PCDH15: variants seen among roughly 807,000 people sequenced by gnomAD.
PCDH15 encodes protocadherin-15.
A neutral mutation model predicts 178.5 loss-of-function variants in PCDH15; 129 were observed. That is an observed-to-expected ratio of 0.72 (90% CI 0.63 to 0.84). The LOEUF is 0.84. Among genes scored for constraint, PCDH15 ranks in the 40% least tolerant of loss-of-function variants. The pLI, the probability that PCDH15 is intolerant of heterozygous loss-of-function variation, is 0.00. For missense variants in PCDH15, 2,230 were observed against 2,099.9 expected (o/e 1.06, Z -1.21); for synonymous variants, 800 against 732.0 (o/e 1.09, Z -1.50).
intron 15 of PCDH15, among the ~76,000 whole-genome samples, chr10:54,129,150 G>A (rs1000407471): frequency 6.6e-6 from 1 of 152,042 alleles, no homozygotes; most frequent in Non-Finnish European, 1.5e-5. Flanking sequence ...GTTAGGGTCA[G>A]GTTAATGACC....
chr10:55,058,125 TATTC>T (rs1165165145), intron 2 of PCDH15, among the ~76,000 whole-genome samples: 1 of 152,220 alleles, frequency 6.6e-6, no homozygotes, highest in African/African-American at 2.4e-5. Context: ...AAAAATTACA[TATTC>T]ATTCAAATGC....
intron 7 of PCDH15, among the ~76,000 whole-genome samples, chr10:54,319,062 C>T (rs1255894520): frequency 2.0e-5 from 3 of 152,076 alleles, no homozygotes; most frequent in African/African-American, 7.2e-5. Context: ...AAGTCATTTC[C>T]ATGAAGAACA....
At chr10:54,477,753 G>A (rs187824401) in intron 3 of PCDH15, among the ~76,000 whole-genome samples, 54 of 152,102 alleles carry the variant, frequency 3.6e-4, no homozygotes, top group Admixed American at 7.9e-4. Flanking sequence ...GTGCCAACAC[G>A]TTCAACTAAT....
Position 54,717,431 on chromosome 10 carries a change from C to T in PCDH15, c.-28-53141G>A, listed in dbSNP as rs1203397116. ...ATTTACAAGAAAAAAACAAACAACC[C>T]CATCAAAAAGTGGGCAAAGGACATG... On this transcript the variant is annotated intron_variant, in intron 1 of 37. Coordinates refer to ENST00000644397, the MANE Select transcript of PCDH15 (RefSeq NM_001384140.1). Among the ~76,000 whole-genome samples the T allele has an allele frequency of 8.4e-5, 12 of 142,630 alleles. 1 individual carries two copies. Among genetic ancestry groups the T allele is most frequent in the Admixed American group, 4.3e-4 (6 of 13,958 alleles). The allele number at this position is 142,630 out of a possible 152,430, so 93.6% of individuals were successfully genotyped here. A position where few individuals can be genotyped will look rare whatever the true frequency, so the allele number is the denominator to read the frequency against.
chr10:54,571,454 A>G (rs1246464151), intron 2 of PCDH15, among the ~76,000 whole-genome samples: 1 of 152,072 alleles, frequency 6.6e-6, no homozygotes, highest in African/African-American at 2.4e-5. Flanking sequence ...TCTCATCATT[A>G]GAAGCAATGC....
intron 3 of PCDH15, among the ~76,000 whole-genome samples, chr10:54,497,629 A>G (rs2080254059): frequency 6.6e-6 from 1 of 152,216 alleles, no homozygotes; most frequent in African/African-American, 2.4e-5. Context: ...AAAGTTCACT[A>G]CAGCAATTTC....
In PCDH15 at chr10:55,583,718, G is replaced by A. The variant is rs187369634; in HGVS notation, c.-156+43907C>T. On this transcript the variant is annotated intron_variant, in intron 2 of 5. Coordinates refer to the PCDH15 transcript ENST00000613346. ...CAAAGTGCTGGGATTACAGGCGTAA[G>A]CCACTGTGCCTGGCCAACAGTTATG... is the stretch of plus-strand genomic sequence containing the variant. Among the ~76,000 whole-genome samples the A allele has an allele frequency of 1.5e-3, 234 of 152,138 alleles. 3 individuals carry two copies. Among genetic ancestry groups the A allele is most frequent in the African/African-American group, 5.4e-3 (225 of 41,522 alleles).
At chr10:54,204,604 T>TA (rs61083505) in intron 10 of PCDH15, among the ~76,000 whole-genome samples, 102,890 of 151,678 alleles carry the variant, frequency 0.68, 35,913 homozygotes, top group African/African-American at 0.74. Flanking sequence ...AAAATGTTAC[T>TA]AAAAAAATAA....
At chr10:54,340,193 T>C (rs1342293) in intron 6 of PCDH15, among the ~76,000 whole-genome samples, 38,868 of 152,100 alleles carry the variant, frequency 0.26, 5,484 homozygotes, top group African/African-American at 0.38. Flanking sequence ...AACAAACCCT[T>C]AAACTTTCAT....
At chr10:54,375,422 T>TC (rs1948248008) in intron 4 of PCDH15, among the ~76,000 whole-genome samples, 1 of 152,072 alleles carries the variant, frequency 6.6e-6, no homozygotes, top group South Asian at 2.1e-4. Context: ...CAAGTAGTTT[T>TC]CCTCTCTCCC....
chr10:54,984,190 C>T (rs1181071958), intron 2 of PCDH15, among the ~76,000 whole-genome samples: 2 of 152,138 alleles, frequency 1.3e-5, no homozygotes, highest in African/African-American at 4.8e-5. Flanking sequence ...AACAAGGTCC[C>T]TCTGATCTTC....
At chr10:55,409,818 A>C (rs756777274) in intron 2 of PCDH15, among the ~76,000 whole-genome samples, 1 of 152,146 alleles carries the variant, frequency 6.6e-6, no homozygotes, top group Non-Finnish European at 1.5e-5. Flanking sequence ...TGAGAAAGCA[A>C]AGAATGAACA....
chr10:53,885,008 C>A (rs969372728), intron 26 of PCDH15, among the ~76,000 whole-genome samples: 5 of 152,050 alleles, frequency 3.3e-5, no homozygotes, highest in Non-Finnish European at 7.4e-5. Context: ...AGAGCTGCTT[C>A]GTTTTTCAAT....
chr10:55,254,863 T>C (rs1177040432), intron 1 of PCDH15, among the ~76,000 whole-genome samples: 1 of 152,168 alleles, frequency 6.6e-6, no homozygotes, highest in Non-Finnish European at 1.5e-5. Flanking sequence ...AGTTTCAAAT[T>C]CAAGTTGTTT....
intron 3 of PCDH15, among the ~76,000 whole-genome samples, chr10:54,867,550 G>C (rs1953962837): frequency 6.6e-6 from 1 of 151,956 alleles, no homozygotes; most frequent in Non-Finnish European, 1.5e-5. Flanking sequence ...CATAGGACGT[G>C]GCAAGGGGAG....
At chr10:54,524,188 T>C (rs1481389404) in intron 3 of PCDH15, among the ~76,000 whole-genome samples, 3 of 152,188 alleles carry the variant, frequency 2.0e-5, no homozygotes, top group African/African-American at 7.2e-5. Context: ...GCTTTCAAAT[T>C]ATGGAGACAA....
intron 1 of PCDH15, among the ~76,000 whole-genome samples, chr10:54,790,353 T>C (rs1441485864): frequency 1.3e-5 from 2 of 151,218 alleles, no homozygotes; most frequent in Non-Finnish European, 2.9e-5. Context: ...TATATATATA[T>C]ACCTATATAT....
chr10:54,189,962 T>C (rs2048839130), intron 11 of PCDH15, among the ~76,000 whole-genome samples: 1 of 147,156 alleles, frequency 6.8e-6, no homozygotes, highest in African/African-American at 2.5e-5. Context: ...TGTGTGTGTG[T>C]ATGGGTATAT....
chr10:54,702,262 C>T (rs1424903958), intron 1 of PCDH15, among the ~76,000 whole-genome samples: 1 of 151,808 alleles, frequency 6.6e-6, no homozygotes, highest in African/African-American at 2.4e-5. Flanking sequence ...AAATGAATAA[C>T]AAAGATACAA....
Sources: gnomAD v4.1 joint callset for allele counts (sites outside exome capture counted in the v4.1 genomes callset) on GRCh38, gnomAD v4.1.1 for gene constraint, MANE v1.5 for transcripts, NCBI Gene and HGNC (gene_info 2026-07-23, HGNC 2026-07-21) for gene names.